Variants in SNTG1 observed in about 807,000 individuals in gnomAD.
SNTG1 encodes syntrophin gamma 1.
A neutral mutation model predicts 74.7 loss-of-function variants in SNTG1; 39 were observed. That is an observed-to-expected ratio of 0.52 (90% CI 0.40 to 0.68). The LOEUF (loss-of-function observed/expected upper bound fraction) is 0.68. Ranked by LOEUF, SNTG1 falls within the 30% of genes least tolerant of loss-of-function variation. The probability of loss-of-function intolerance (pLI) is 0.00; values close to 1 mark genes in which losing one functional copy is unlikely to be tolerated. For synonymous variants in SNTG1, 254 were observed against 217.1 expected, an observed-to-expected ratio of 1.17 and a Z score of -1.49; for missense variants, 685 against 609.5, an observed-to-expected ratio of 1.12 and a Z score of -1.30.
intron 8 of SNTG1, among the ~76,000 whole-genome samples, chr8:50,459,652 A>C (rs1447471927): frequency 6.6e-6 from 1 of 152,066 alleles, no homozygotes; most frequent in Non-Finnish European, 1.5e-5. Flanking sequence ...ACTCAACAAT[A>C]AGTTGTTCAG....
intron 2 of SNTG1, among the ~76,000 whole-genome samples, chr8:50,242,833 T>C (rs1325936345): frequency 6.6e-6 from 1 of 151,080 alleles, no homozygotes; most frequent in Non-Finnish European, 1.5e-5. Flanking sequence ...TAAATAAACA[T>C]AGAAAATATA....
intron 2 of SNTG1, chr8:50,381,176 A>ATT (rs990689000): frequency 6.6e-6 from 1 of 152,130 alleles, no homozygotes; most frequent in African/African-American, 2.4e-5. Context: ...TAGGTAATAA[A>ATT]GTTTACTGAT....
chr8:50,125,179 G>A (rs2081102229), intron 1 of SNTG1, among the ~76,000 whole-genome samples: 1 of 142,092 alleles, frequency 7.0e-6, no homozygotes, highest in Non-Finnish European at 1.6e-5. Context: ...GACTAGGAAA[G>A]TGAGCATATG....
intron 10 of SNTG1, among the ~76,000 whole-genome samples, chr8:50,530,835 C>T (rs1228692905): frequency 6.6e-6 from 1 of 152,026 alleles, no homozygotes; most frequent in African/African-American, 2.4e-5. Flanking sequence ...TTGAGTAAAT[C>T]GATTTTAATA....
chr8:50,006,143 AGTAAT>A (rs1452789480), intron 1 of SNTG1, among the ~76,000 whole-genome samples: 6 of 151,280 alleles, frequency 4.0e-5, no homozygotes, highest in Non-Finnish European at 8.8e-5. Flanking sequence ...TTGTATTTTC[AGTAAT>A]GACGGGGTTT....
chr8:50,138,823 A>G (rs1196604665), intron 1 of SNTG1, among the ~76,000 whole-genome samples: 3 of 151,984 alleles, frequency 2.0e-5, no homozygotes, highest in Non-Finnish European at 2.9e-5. Context: ...GAAATTCATA[A>G]AAGTGGGTAG....
intron 1 of SNTG1, among the ~76,000 whole-genome samples, chr8:50,122,443 C>G (rs1362662519): frequency 7.1e-6 from 1 of 141,078 alleles, no homozygotes; most frequent in African/African-American, 2.6e-5. Flanking sequence ...AGGCTGAGCA[C>G]TGCACAAGAA....
chr8:50,205,079 A>T (rs543897885), intron 2 of SNTG1, among the ~76,000 whole-genome samples: 53 of 152,330 alleles, frequency 3.5e-4, no homozygotes, highest in Non-Finnish European at 5.9e-4. Flanking sequence ...TTTTGGGTAT[A>T]CACCCAGTAA....
chr8:50,126,824 A>G (rs935939284), intron 1 of SNTG1, among the ~76,000 whole-genome samples: 1 of 152,074 alleles, frequency 6.6e-6, no homozygotes, highest in African/African-American at 2.4e-5. Flanking sequence ...TGGGCCAGTA[A>G]AGGTCCAAGT....
intron 5 of SNTG1, among the ~76,000 whole-genome samples, chr8:50,440,639 T>C (rs2093349725): frequency 6.6e-6 from 1 of 152,208 alleles, no homozygotes; most frequent in African/African-American, 2.4e-5. Flanking sequence ...AATAAAAGTA[T>C]GCATATAAAT....
chr8:49,964,063 CAG>C (rs567416874), intron 1 of SNTG1, among the ~76,000 whole-genome samples: 168 of 152,304 alleles, frequency 1.1e-3, no homozygotes, highest in Middle Eastern at 6.8e-3. Context: ...AGTAGGCACT[CAG>C]TGTGATTGAT....
rs537777560 is a variant in SNTG1, at chr8:50,047,790, T to C, written c.-102-124771T>C. Among the ~76,000 whole-genome samples the C allele has an allele frequency of 5.1e-4, 77 of 152,330 alleles. 2 individuals carry two copies. The highest frequency in any genetic ancestry group is 6.8e-3 in the Middle Eastern group (2 of 294). On this transcript the variant is annotated intron_variant, in intron 1 of 18. Coordinates refer to ENST00000642720, the MANE Select transcript of SNTG1 (RefSeq NM_018967.5). ...GGGGTGTCACATGCTAAGTTAAATATTCTCCATGCCTTAGAGATTCTAGAT... is the reference window on the plus strand; with the variant it reads ...GGGGTGTCACATGCTAAGTTAAATACTCTCCATGCCTTAGAGATTCTAGAT...
intron 1 of SNTG1, among the ~76,000 whole-genome samples, chr8:50,081,804 T>C (rs1266927760): frequency 1.3e-5 from 2 of 152,136 alleles, no homozygotes; most frequent in Non-Finnish European, 2.9e-5. Flanking sequence ...CGACTAATTT[T>C]GTATTTTTAG....
At chr8:50,484,157 C>A (rs202202904) in intron 8 of SNTG1, among the ~76,000 whole-genome samples, 724 of 28,022 alleles carry the variant, frequency 0.026, 18 homozygotes, top group African/African-American at 0.048. Context: ...TCTTTCCTTC[C>A]TTCCTTCCTT....
At chr8:50,745,071 G>A (rs1252725225) in intron 17 of SNTG1, among the ~76,000 whole-genome samples, 1 of 151,960 alleles carries the variant, frequency 6.6e-6, no homozygotes, top group East Asian at 1.9e-4. Context: ...TAAAGCGAAT[G>A]ACTTTTGTAC....
intron 13 of SNTG1, among the ~76,000 whole-genome samples, chr8:50,617,424 A>G (rs2094892339): frequency 6.6e-6 from 1 of 152,024 alleles, no homozygotes; most frequent in African/African-American, 2.4e-5. Context: ...ATAAATAACG[A>G]AAAACAAGAA....
chr8:50,598,631 A>G (rs1448954136), intron 13 of SNTG1, among the ~76,000 whole-genome samples: 2 of 151,994 alleles, frequency 1.3e-5, no homozygotes, highest in Non-Finnish European at 2.9e-5. Flanking sequence ...TTGTCATTTG[A>G]TAAGGATTTC....
intron 1 of SNTG1, among the ~76,000 whole-genome samples, chr8:49,933,230 T>G (rs958944251): frequency 6.6e-6 from 1 of 152,200 alleles, no homozygotes; most frequent in Non-Finnish European, 1.5e-5. Flanking sequence ...CAACAATTCA[T>G]GAAGTTTCCG....
rs140729632 is a variant in SNTG1, at chr8:50,316,025, A to G, written c.-27-78187A>G. Among the ~76,000 whole-genome samples the G allele has an allele frequency of 2.0e-5, 3 of 152,304 alleles. No individual in the cohort carries two copies. In the East Asian group the frequency reaches 5.8e-4, roughly 29 times the overall value. The stretch of plus-strand genomic sequence containing the variant: ...TCACATTTCAGTTGCTTTTCAAGAA[A>G]CCAACTTTTAAAATTCTACTTTTTT... On this transcript the variant is annotated intron_variant, in intron 2 of 18. Transcript: ENST00000642720.
Sources: gnomAD v4.1 joint callset for allele counts (sites outside exome capture counted in the v4.1 genomes callset) on GRCh38, gnomAD v4.1.1 for gene constraint, MANE v1.5 for transcripts, NCBI Gene and HGNC (gene_info 2026-07-23, HGNC 2026-07-21) for gene names.